The following SH3GL1 variants were observed in gnomAD, a reference collection of about 807,000 sequenced individuals.
SH3GL1 encodes endophilin-A2.
Under a neutral mutation model 48.8 loss-of-function variants are expected in SH3GL1, and 21 were observed. The ratio of observed to expected loss-of-function variants is 0.43; its 90% confidence interval spans 0.30 to 0.62. The LOEUF (loss-of-function observed/expected upper bound fraction) is 0.62, where lower values mean the gene tolerates loss of function less well. Among genes scored for constraint, SH3GL1 ranks in the 20% least tolerant of loss-of-function variants. SH3GL1 has a pLI of 0.11. For synonymous variants in SH3GL1, 282 were observed against 217.5 expected, an observed-to-expected ratio of 1.30 and a Z score of -2.61; for missense variants, 454 against 503.0, an observed-to-expected ratio of 0.90 and a Z score of 0.93.
chr19:4,364,338 A>T (rs183411530), intron 4 of SH3GL1, 117 bp from the exon 5 acceptor site: 5 of 1,337,018 alleles, frequency 3.7e-6, no homozygotes. Context: ...GTGGCGCTGT[A>T]CCAGCTCACT....
chr19:4,382,143 T>TC (rs952125558), intron 1 of SH3GL1, among the ~76,000 whole-genome samples: 2 of 151,696 alleles, frequency 1.3e-5, no homozygotes, highest in Non-Finnish European at 2.9e-5. Context: ...GGCCCCCTCC[T>TC]CCCTCCATTG....
At chr19:4,386,409 G>A (rs1422895927) in intron 1 of SH3GL1, among the ~76,000 whole-genome samples, 1 of 151,966 alleles carries the variant, frequency 6.6e-6, no homozygotes, top group African/African-American at 2.4e-5. Flanking sequence ...CTTCCAGCAC[G>A]CAGGGCTGGA....
chr19:4,383,615 G>A (rs1430004649), intron 1 of SH3GL1, among the ~76,000 whole-genome samples: 1 of 152,114 alleles, frequency 6.6e-6, no homozygotes, highest in Non-Finnish European at 1.5e-5. Context: ...TCCTGCCTGA[G>A]AGAACTGCTC....
At chr19:4,372,341 G>A (rs959614358) in intron 1 of SH3GL1, among the ~76,000 whole-genome samples, 4 of 152,250 alleles carry the variant, frequency 2.6e-5, no homozygotes, top group Admixed American at 2.0e-4. Context: ...GGGACGTGGA[G>A]GAGGCGAGTG....
chr19:4,379,871 T>C (rs188884867), intron 1 of SH3GL1, among the ~76,000 whole-genome samples: 146 of 152,316 alleles, frequency 9.6e-4, no homozygotes, highest in Middle Eastern at 3.4e-3. Context: ...CAAGGCTTGC[T>C]TCTCTGTTGT....
At chr19:4,388,170 C>T (rs968106491) in intron 1 of SH3GL1, among the ~76,000 whole-genome samples, 1 of 152,100 alleles carries the variant, frequency 6.6e-6, no homozygotes. Context: ...ATTCCAGTTA[C>T]TGTTATTGAG....
chr19:4,373,749 A>G (rs1972949076), intron 1 of SH3GL1, among the ~76,000 whole-genome samples: 1 of 152,018 alleles, frequency 6.6e-6, no homozygotes, highest in South Asian at 2.1e-4. Flanking sequence ...GCCTCAGACC[A>G]GGCCACAGAG....
chr19:4,378,240 G>A (rs779191600), intron 1 of SH3GL1, among the ~76,000 whole-genome samples: 1 of 152,190 alleles, frequency 6.6e-6, no homozygotes, highest in African/African-American at 2.4e-5. Context: ...TCAGAGCAAA[G>A]GTGTGCCGTA....
Position 4,361,355 on chromosome 19 carries a change from A to T in SH3GL1, c.*245T>A, listed in dbSNP as rs552299761. 9 of 519,638 alleles carry T rather than the reference A, an allele frequency of 1.7e-5. No individual in the cohort carries two copies. The Admixed American group carries it at 3.1e-4, about 18-fold the overall frequency. The allele number at this position is 519,638 out of a possible 1,614,324, so 32.2% of individuals were successfully genotyped here. A position where few individuals can be genotyped will look rare whatever the true frequency, so the allele number is the denominator to read the frequency against. ...GCGGGGGAGGAGGCTGGCGCCATGG[A>T]GTGGGGAAGGGAGCCGTCACCGTTG... On this transcript the variant is annotated 3_prime_UTR_variant, in exon 10 of 10. Transcript: ENST00000269886.
chr19:4,393,242 TG>T (rs368338212), intron 1 of SH3GL1, among the ~76,000 whole-genome samples: 1,575 of 151,020 alleles, frequency 0.01, 15 homozygotes, highest in Admixed American at 0.02. Flanking sequence ...GCCTGGGCAA[TG>T]GTGTGAGACT....
intron 7 of SH3GL1, 109 bp downstream of exon 7, chr19:4,363,261 G>A: frequency 1.2e-6 from 1 of 846,128 alleles, no homozygotes; most frequent in South Asian, 1.6e-5. Flanking sequence ...AAGAATCCAG[G>A]ATGCTGCTCT....
At chr19:4,394,496 C>T (rs1973391606) in intron 1 of SH3GL1, among the ~76,000 whole-genome samples, 1 of 152,172 alleles carries the variant, frequency 6.6e-6, no homozygotes, top group South Asian at 2.1e-4. Context: ...CTCAACCAGT[C>T]TATGGCCAGT....
chr19:4,366,232 T>G (rs1176142242), intron 3 of SH3GL1, among the ~76,000 whole-genome samples: 2 of 152,298 alleles, frequency 1.3e-5, no homozygotes, highest in Non-Finnish European at 1.5e-5. Context: ...AGAGGCTCCC[T>G]GCCAGGACTG....
chr19:4,375,375 C>T (rs1972986744), intron 1 of SH3GL1, among the ~76,000 whole-genome samples: 1 of 152,340 alleles, frequency 6.6e-6, no homozygotes, highest in African/African-American at 2.4e-5. Flanking sequence ...CTGCAGGCCC[C>T]ACCAACCCTG....
chr19:4,384,960 C>T (rs971173699), intron 1 of SH3GL1, among the ~76,000 whole-genome samples: 3 of 151,980 alleles, frequency 2.0e-5, no homozygotes, highest in Non-Finnish European at 2.9e-5. Flanking sequence ...GAAAATTATC[C>T]GGGTGTGGTG....
intron 1 of SH3GL1, among the ~76,000 whole-genome samples, chr19:4,387,304 T>C (rs1320697761): frequency 1.3e-5 from 2 of 151,730 alleles, no homozygotes; most frequent in Non-Finnish European, 2.9e-5. Flanking sequence ...ACAGGCTTTG[T>C]TTTTGTTTTT....
At chr19:4,370,334 T>C (rs1416159514) in intron 1 of SH3GL1, among the ~76,000 whole-genome samples, 1 of 152,176 alleles carries the variant, frequency 6.6e-6, no homozygotes, top group Non-Finnish European at 1.5e-5. Flanking sequence ...GCAGTGGCAA[T>C]GACAGCTCCG....
At position 4,361,431 on chromosome 19, in the gene SH3GL1, C is replaced by T. The variant is rs916755740; in HGVS notation, c.*169G>A. The T allele has an allele frequency of 8.3e-6, 5 of 601,838 alleles. No individual in the cohort carries two copies. Among genetic ancestry groups the T allele is most frequent in the Non-Finnish European group, 1.5e-5 (5 of 340,556 alleles). 37.3% of individuals were successfully genotyped at this position (601,838 alleles called of 1,614,324 possible). A position where few individuals can be genotyped will look rare whatever the true frequency, so the allele number is the denominator to read the frequency against. Reference sequence around the variant, plus strand: ...ATCCCCACCCACCCAGATAAGCCCCCCCACCCAAGTGTGGGGTCCTGCTCA... The same window carrying T: ...ATCCCCACCCACCCAGATAAGCCCCTCCACCCAAGTGTGGGGTCCTGCTCA... On this transcript the variant is annotated 3_prime_UTR_variant, in exon 10 of 10. Coordinates refer to ENST00000269886, the MANE Select transcript of SH3GL1 (RefSeq NM_003025.4).
In SH3GL1 at chr19:4,366,690, C is replaced by G. The variant is rs1972788490; in HGVS notation, c.115-117G>C. On this transcript the variant is annotated intron_variant, in intron 2 of 9. Coordinates refer to ENST00000269886, the MANE Select transcript of SH3GL1 (RefSeq NM_003025.4). ...GCCCATACCAGGACCCCCCAACCCC[C>G]TCTCCATGTCTTCAGCTCAGCCATG... The G allele has an allele frequency of 3.9e-6, 4 of 1,015,142 alleles. No individual in the cohort carries two copies. The South Asian group carries it at 5.2e-5, about 13-fold the overall frequency. 62.9% of individuals were successfully genotyped at this position (1,015,142 alleles called of 1,614,324 possible).
Sources: allele counts gnomAD v4.1 joint callset (sites outside exome capture counted in the v4.1 genomes callset), GRCh38; gene constraint gnomAD v4.1.1; transcripts MANE v1.5; gene names NCBI Gene and HGNC (gene_info 2026-07-23, HGNC 2026-07-21).